The following PDZD2 variants were observed in gnomAD, a reference collection of about 807,000 sequenced individuals.
PDZD2 encodes the protein PDZ domain containing 2, also known as PDZ domain-containing protein 2.
In PDZD2, 90 loss-of-function variants were observed where a neutral mutation model predicts 220.7. That is an observed-to-expected ratio of 0.41 (90% CI 0.34 to 0.49). The LOEUF is 0.49. Among genes scored for constraint, PDZD2 ranks in the 20% least tolerant of loss-of-function variants. The pLI is 0.28. For synonymous variants in PDZD2, 1,375 were observed against 1,450.5 expected, an observed-to-expected ratio of 0.95 and a Z score of 1.18; for missense variants, 3,174 against 3,608.5, an observed-to-expected ratio of 0.88 and a Z score of 3.08.
At chr5:32,107,870 T>C (rs1350969485) in intron 24 of PDZD2, 99 bp from the exon 25 acceptor site, 2 of 656,070 alleles carry the variant, frequency 3.0e-6, no homozygotes, top group South Asian at 2.6e-5. Flanking sequence ...TAATATATTA[T>C]TTAGATATTT....
chr5:32,068,995 C>T (rs1280962775), intron 14 of PDZD2, among the ~76,000 whole-genome samples: 3 of 152,080 alleles, frequency 2.0e-5, no homozygotes, highest in Admixed American at 6.6e-5. Context: ...AGGCCGGACG[C>T]GGTGGCTCAC....
chr5:31,837,991 T>A (rs1438361274), intron 2 of PDZD2, among the ~76,000 whole-genome samples: 1 of 152,114 alleles, frequency 6.6e-6, no homozygotes, highest in Non-Finnish European at 1.5e-5. Context: ...ATCTGTAAAG[T>A]TTGGAAACAG....
chr5:31,754,228 T>C (rs1385908944), intron 1 of PDZD2: 1 of 152,200 alleles, frequency 6.6e-6, no homozygotes, highest in Admixed American at 6.5e-5. Context: ...CCTCGCGCCC[T>C]CTTCAGGAGG....
intron 1 of PDZD2, among the ~76,000 whole-genome samples, chr5:31,779,971 A>G (rs922654571): frequency 7.9e-5 from 12 of 152,098 alleles, no homozygotes; most frequent in Admixed American, 3.3e-4. Context: ...TGTCTTCGCT[A>G]GAGGATTGAA....
At chr5:32,065,042 G>A (rs962244753) in intron 14 of PDZD2, among the ~76,000 whole-genome samples, 2 of 151,968 alleles carry the variant, frequency 1.3e-5, no homozygotes, top group African/African-American at 4.8e-5. Flanking sequence ...GCTCATGCCT[G>A]TAATCCTAGC....
chr5:31,704,162 A>C (rs966579375), intron 1 of PDZD2, among the ~76,000 whole-genome samples: 11 of 152,004 alleles, frequency 7.2e-5, no homozygotes, highest in African/African-American at 2.7e-4. Context: ...ACAGGAATGC[A>C]CTGTCATGTC....
intron 19 of PDZD2, among the ~76,000 whole-genome samples, chr5:32,085,598 A>G (rs756128643): frequency 2.7e-5 from 4 of 150,282 alleles, no homozygotes; most frequent in Admixed American, 6.6e-5. Flanking sequence ...GGCGTGTGCC[A>G]CCACACTCAG....
chr5:32,069,514 T>C (rs967089972), intron 14 of PDZD2, 55 bp from the exon 15 acceptor site: 15 of 1,016,526 alleles, frequency 1.5e-5, no homozygotes, highest in Non-Finnish European at 2.4e-5. Context: ...GGTACTTTCA[T>C]TGGGAGAAAT....
intron 2 of PDZD2, among the ~76,000 whole-genome samples, chr5:31,908,194 A>G: frequency 6.6e-6 from 1 of 151,810 alleles, no homozygotes. Flanking sequence ...ATGCACAAAG[A>G]TAGTCTACAT....
chr5:31,655,404 C>A (rs1016174337), intron 1 of PDZD2, among the ~76,000 whole-genome samples: 6 of 152,176 alleles, frequency 3.9e-5, no homozygotes, highest in Non-Finnish European at 7.3e-5. Context: ...GAACTCCTGA[C>A]CTCATGATCT....
At chr5:31,649,404 C>A (rs1248508727) in intron 1 of PDZD2, among the ~76,000 whole-genome samples, 1 of 151,442 alleles carries the variant, frequency 6.6e-6, no homozygotes, top group Non-Finnish European at 1.5e-5. Flanking sequence ...TGCTTGGAAA[C>A]ATCTTCCCCC....
At chr5:31,684,536 C>T (rs1466808163) in intron 1 of PDZD2, among the ~76,000 whole-genome samples, 1 of 151,170 alleles carries the variant, frequency 6.6e-6, no homozygotes, top group South Asian at 2.1e-4. Flanking sequence ...TGGTATAGAA[C>T]CCTCTGTCTA....
At chr5:31,648,922 G>A (rs1376245570) in intron 1 of PDZD2, among the ~76,000 whole-genome samples, 2 of 152,078 alleles carry the variant, frequency 1.3e-5, no homozygotes, top group African/African-American at 2.4e-5. Flanking sequence ...AATGTCATGG[G>A]TTTGGATAAT....
At chr5:32,066,372 A>G (rs1269659949) in intron 14 of PDZD2, among the ~76,000 whole-genome samples, 3 of 152,126 alleles carry the variant, frequency 2.0e-5, no homozygotes, top group Admixed American at 2.0e-4. Context: ...ACTCAATCCA[A>G]TCAAACCAAC....
At chr5:31,684,938 T>C (rs376823097) in intron 1 of PDZD2, among the ~76,000 whole-genome samples, 6 of 152,344 alleles carry the variant, frequency 3.9e-5, no homozygotes, top group Admixed American at 1.3e-4. Flanking sequence ...TAGATGTTCT[T>C]ATTTATTTAC....
intron 2 of PDZD2, among the ~76,000 whole-genome samples, chr5:31,869,968 A>G (rs1738632286): frequency 6.6e-6 from 1 of 152,196 alleles, no homozygotes; most frequent in Non-Finnish European, 1.5e-5. Flanking sequence ...CCTTAAAGGC[A>G]TCATACCACA....
At chr5:31,666,670 G>A (rs190071718) in intron 1 of PDZD2, among the ~76,000 whole-genome samples, 13 of 152,278 alleles carry the variant, frequency 8.5e-5, no homozygotes, top group Admixed American at 5.2e-4. Flanking sequence ...CTTATTCTAC[G>A]CTCCAGTCTG....
intron 1 of PDZD2, among the ~76,000 whole-genome samples, chr5:31,683,244 C>T (rs1746723452): frequency 2.1e-5 from 3 of 143,398 alleles, no homozygotes; most frequent in Middle Eastern, 3.6e-3. Context: ...GAAAAGAAAA[C>T]GAATTAGAAA....
At chr5:31,855,036 A>G in intron 2 of PDZD2, 1 of 985,312 alleles carries the variant, frequency 1.0e-6, no homozygotes, top group Non-Finnish European at 1.2e-6. Context: ...CCTGCAGGTG[A>G]TTAGGCTAAT....
Sources: allele counts gnomAD v4.1 joint callset (sites outside exome capture counted in the v4.1 genomes callset), GRCh38; gene constraint gnomAD v4.1.1; transcripts MANE v1.5; gene names NCBI Gene and HGNC (gene_info 2026-07-23, HGNC 2026-07-21).